MBTD1: variants seen among roughly 807,000 people sequenced by gnomAD.
MBTD1 encodes mbt domain containing 1.
MBTD1 carries 24 observed loss-of-function variants against 87.8 expected under a neutral mutation model. That is an observed-to-expected ratio of 0.27 (90% CI 0.20 to 0.38). MBTD1 has a LOEUF of 0.38. Ranked by LOEUF, MBTD1 falls within the 10% of genes least tolerant of loss-of-function variation. MBTD1 has a pLI of 1.00. For missense variants in MBTD1, 436 were observed against 760.2 expected, an observed-to-expected ratio of 0.57 and a Z score of 5.02; for synonymous variants, 237 against 248.6, an observed-to-expected ratio of 0.95 and a Z score of 0.44.
chr17:51,211,896 G>A (rs913425825), intron 6 of MBTD1, among the ~76,000 whole-genome samples: 3 of 151,880 alleles, frequency 2.0e-5, no homozygotes, highest in African/African-American at 7.3e-5. Flanking sequence ...ATACACAAAA[G>A]GGCTTTTATT....
At chr17:51,251,460 G>C (rs906058511) in intron 2 of MBTD1, 7 of 152,148 alleles carry the variant, frequency 4.6e-5, no homozygotes, top group South Asian at 2.1e-4. Context: ...TCCATACATA[G>C]AGCTGTGAAC....
At chr17:51,203,685 C>T in intron 8 of MBTD1, 106 bp downstream of exon 8, 5 of 1,243,840 alleles carry the variant, frequency 4.0e-6, no homozygotes, top group Non-Finnish European at 4.6e-6. Flanking sequence ...GTGTGAGCGG[C>T]CATGCCCGGC....
intron 10 of MBTD1, 137 bp from the exon 11 acceptor site, chr17:51,202,214 G>A (rs2051531833): frequency 3.2e-6 from 2 of 628,540 alleles, no homozygotes; most frequent in Non-Finnish European, 5.6e-6. Context: ...CATTTGGGGT[G>A]AATATTCTTT....
chr17:51,200,537 G>T (rs950651766), intron 12 of MBTD1, among the ~76,000 whole-genome samples: 3 of 129,564 alleles, frequency 2.3e-5, no homozygotes, highest in Non-Finnish European at 4.7e-5. Flanking sequence ...TACAGCCTGG[G>T]TGACAGGGCG....
At chr17:51,236,331 C>T (rs148539450) in intron 2 of MBTD1, among the ~76,000 whole-genome samples, 103 of 152,210 alleles carry the variant, frequency 6.8e-4, no homozygotes, top group African/African-American at 2.4e-3. Context: ...CTGCAACCTT[C>T]ACCTCCTGGG....
intron 2 of MBTD1, among the ~76,000 whole-genome samples, chr17:51,239,478 A>C (rs1478009158): frequency 6.6e-6 from 1 of 152,152 alleles, no homozygotes; most frequent in Admixed American, 6.5e-5. Flanking sequence ...ATTTTCTCCC[A>C]ATTATTCCTC....
rs2050212047 is a variant in MBTD1 at position 51,179,494 on chromosome 17, A to ATATATATATATATT, written c.*1081_*1082insAATATATATATATA. Reference sequence around the variant, plus strand: ...CAATTAAAGACAATTTTATATATATATATATATATATATATATATATATAT... The same window carrying ATATATATATATATT: ...CAATTAAAGACAATTTTATATATATATATATATATATATTTATATATATATATATATATATATAT... On this transcript the variant is annotated 3_prime_UTR_variant, in exon 17 of 17. Transcript: ENST00000586178. 40 of 41,456 alleles carry ATATATATATATATT rather than the reference A, an allele frequency of 9.6e-4. 1 individual carries two copies. The highest frequency in any genetic ancestry group is 1.5e-3 in the Non-Finnish European group (31 of 20,702). The allele number at this position is 41,456 out of a possible 1,614,324, so 2.6% of individuals were successfully genotyped here.
chr17:51,212,357 CAA>C (rs60857354), intron 6 of MBTD1, among the ~76,000 whole-genome samples: 3 of 135,828 alleles, frequency 2.2e-5, no homozygotes, highest in Admixed American at 7.5e-5. Context: ...GACTCCGCCT[CAA>C]AAAAAAAAAG....
At chr17:51,253,772 T>C (rs2054929337) in intron 2 of MBTD1, among the ~76,000 whole-genome samples, 1 of 152,172 alleles carries the variant, frequency 6.6e-6, no homozygotes, top group East Asian at 1.9e-4. Flanking sequence ...AGAACTTCAT[T>C]GTCCTACTGT....
chr17:51,203,080 T>C lies in MBTD1; in HGVS notation c.828+60A>G, dbSNP rs550239224. ...CAAAATTAAACCAATTCCTTAAAAATGTTCTCTGTTACCCTTGTTTTTTAG... is the reference window on the plus strand; with the variant it reads ...CAAAATTAAACCAATTCCTTAAAAACGTTCTCTGTTACCCTTGTTTTTTAG... On this transcript the variant is annotated intron_variant, in intron 9 of 16. Coordinates refer to ENST00000586178, the MANE Select transcript of MBTD1 (RefSeq NM_017643.3). 1.0e-4 allele frequency: 139 copies of C among 1,379,902 alleles called. No individual in the cohort carries two copies. In the African/African-American group the frequency reaches 1.7e-3, roughly 17 times the overall value. 85.5% of individuals were successfully genotyped at this position (1,379,902 alleles called of 1,614,324 possible). A position where few individuals can be genotyped will look rare whatever the true frequency, so the allele number is the denominator to read the frequency against.
chr17:51,193,864 TCCTA>T (rs1328359991), intron 13 of MBTD1, among the ~76,000 whole-genome samples: 1 of 152,206 alleles, frequency 6.6e-6, no homozygotes, highest in Non-Finnish European at 1.5e-5. Flanking sequence ...CAAGCAATCC[TCCTA>T]CCTGAGTCTC....
rs2051520776 is a variant in MBTD1, at chr17:51,202,031, T to C, written c.1110A>G (p.Leu370=). Residue 370 remains leucine (L), a synonymous_variant, in exon 11 of 17, where the codon TTA becomes TTG. Coordinates refer to ENST00000586178, the MANE Select transcript of MBTD1 (RefSeq NM_017643.3). ...QDGHFDTPPH[L]FAKVKEVDQS... ...TATAAAAACTTCTTACCTTAGCAAA[T>C]AAATGTGGTGGTGTATCAAAATGTC... 1 of 1,605,844 alleles carries C rather than the reference T, an allele frequency of 6.2e-7. No homozygotes were observed. Among genetic ancestry groups the C allele is most frequent in the Non-Finnish European group, 8.5e-7 (1 of 1,173,442 alleles).
At position 51,202,948 on chromosome 17, in the gene MBTD1, C is replaced by CA. The variant is rs745453475; in HGVS notation, c.829-14dup. 9.5e-5 allele frequency: 150 copies of CA among 1,584,446 alleles called. No homozygotes were observed. The highest frequency in any genetic ancestry group is 8.7e-4 in the East Asian group (39 of 44,722). Reference sequence around the variant, plus strand: ...TACTCTCTGAAACCTTAAAAGCATACAAAAAAAACTGCTCGAAATTCATGA... The same window carrying CA: ...TACTCTCTGAAACCTTAAAAGCATACAAAAAAAAACTGCTCGAAATTCATGA... On this transcript the variant is annotated splice_polypyrimidine_tract_variant and intron_variant, in intron 9 of 16. Transcript: ENST00000586178.
chr17:51,209,445 G>A (rs778632898), intron 6 of MBTD1: 3 of 471,166 alleles, frequency 6.4e-6, no homozygotes, highest in South Asian at 4.6e-5. Context: ...AAGGTAAGCT[G>A]TCATCAGGTC....
intron 7 of MBTD1, among the ~76,000 whole-genome samples, chr17:51,205,891 C>T (rs370280236): frequency 3.9e-5 from 6 of 152,008 alleles, no homozygotes; most frequent in African/African-American, 1.2e-4. Context: ...AGGAGAATGC[C>T]GGAAATAAAA....
chr17:51,251,640 G>A (rs1184831235), intron 2 of MBTD1: 2 of 152,154 alleles, frequency 1.3e-5, no homozygotes, highest in African/African-American at 2.4e-5. Context: ...TGATCATAAG[G>A]AGCAGTTGGA....
intron 12 of MBTD1, 108 bp downstream of exon 12, chr17:51,201,484 T>C (rs1027962001): frequency 2.4e-5 from 15 of 622,074 alleles, no homozygotes; most frequent in South Asian, 7.0e-5. Context: ...AGTGAAGATA[T>C]ACACATACAC....
At chr17:51,181,890 G>A (rs2050328998) in intron 16 of MBTD1, among the ~76,000 whole-genome samples, 1 of 152,194 alleles carries the variant, frequency 6.6e-6, no homozygotes, top group Non-Finnish European at 1.5e-5. Flanking sequence ...TCCCCAAAGT[G>A]CTGGGATTAC....
At chr17:51,255,722 C>T (rs2055050213) in intron 2 of MBTD1, among the ~76,000 whole-genome samples, 1 of 151,928 alleles carries the variant, frequency 6.6e-6, no homozygotes, top group Non-Finnish European at 1.5e-5. Flanking sequence ...CCTCTGCCCC[C>T]GAGTAGCTGG....
Sources: gnomAD v4.1 joint callset for allele counts (sites outside exome capture counted in the v4.1 genomes callset) on GRCh38, gnomAD v4.1.1 for gene constraint, MANE v1.5 for transcripts, NCBI Gene and HGNC (gene_info 2026-07-23, HGNC 2026-07-21) for gene names.